NSD1: variants seen among roughly 807,000 people sequenced by gnomAD.
NSD1 encodes histone-lysine N-methyltransferase, H3 lysine-36 specific.
NSD1 carries 26 observed loss-of-function variants against 242.7 expected under a neutral mutation model. The observed-to-expected ratio is 0.11, with a 90% CI of 0.08 to 0.15. The LOEUF is 0.15. Ranked by LOEUF, NSD1 falls within the 10% of genes least tolerant of loss-of-function variation. The pLI is 1.00. For synonymous variants in NSD1, 1,106 were observed against 1,178.1 expected (o/e 0.94, Z 1.25); for missense variants, 2,495 against 3,272.8 (o/e 0.76, Z 5.80).
At chr5:177,168,817 A>G (rs1381334902) in intron 2 of NSD1, among the ~76,000 whole-genome samples, 2 of 152,158 alleles carry the variant, frequency 1.3e-5, no homozygotes, top group African/African-American at 4.8e-5. Context: ...TGAGTCTTGG[A>G]AAGCATTTTC....
chr5:177,264,974 A>G, intron 14 of NSD1: 1 of 912,364 alleles, frequency 1.1e-6, no homozygotes, highest in Admixed American at 1.7e-5. Flanking sequence ...GTTACCCAGC[A>G]TGCTGTTGGC....
chr5:177,215,157 A>G (rs932026546), intron 5 of NSD1, among the ~76,000 whole-genome samples: 4 of 151,124 alleles, frequency 2.6e-5, no homozygotes, highest in African/African-American at 9.7e-5. Context: ...GGATATGCAG[A>G]TATCTCTGAG....
Position 177,291,945 on chromosome 5 carries a change from G to A in NSD1, c.6259-9G>A. ...ACAGAATGCTGACTGTTCAATATCT[G>A]ACCTGTAGAATCAACCCATTGCCAC... On this transcript the variant is annotated splice_polypyrimidine_tract_variant and intron_variant, in intron 21 of 22. Transcript: ENST00000439151. The A allele has an allele frequency of 6.2e-7, 1 of 1,612,880 alleles. No individual in the cohort carries two copies. The highest frequency in any genetic ancestry group is 8.5e-7 in the Non-Finnish European group (1 of 1,179,348).
intron 20 of NSD1, 166 bp from the exon 21 acceptor site, chr5:177,288,653 C>A (rs1485729210): frequency 8.3e-6 from 5 of 599,364 alleles, no homozygotes; most frequent in Non-Finnish European, 1.2e-5. Flanking sequence ...AATTGTATTA[C>A]CTGATTATTA....
At chr5:177,158,998 T>TTATATATATATATATATGAATTATATA (rs1183569859) in intron 2 of NSD1, among the ~76,000 whole-genome samples, 1 of 122,612 alleles carries the variant, frequency 8.2e-6, no homozygotes, top group African/African-American at 3.8e-5. Flanking sequence ...ATGAATGATT[T>TTATATATATATATATATGAATTATATA]TATATATATA....
intron 11 of NSD1, among the ~76,000 whole-genome samples, chr5:177,250,390 C>T (rs1458392214): frequency 6.6e-6 from 1 of 152,080 alleles, no homozygotes; most frequent in African/African-American, 2.4e-5. Context: ...GTCCCTTGTG[C>T]TGTCACAATT....
intron 2 of NSD1, among the ~76,000 whole-genome samples, chr5:177,146,668 T>C (rs576836993): frequency 6.6e-6 from 1 of 152,288 alleles, no homozygotes; most frequent in African/African-American, 2.4e-5. Flanking sequence ...TTCTTTGTTT[T>C]TATCACCTGT....
intron 2 of NSD1, among the ~76,000 whole-genome samples, chr5:177,145,838 G>A (rs1386338590): frequency 6.6e-6 from 1 of 151,626 alleles, no homozygotes; most frequent in East Asian, 1.9e-4. Flanking sequence ...AACCCGGGAG[G>A]CGGAGGTTGT....
chr5:177,197,866 G>C (rs1479660503), intron 3 of NSD1, among the ~76,000 whole-genome samples: 1 of 151,946 alleles, frequency 6.6e-6, no homozygotes, highest in Non-Finnish European at 1.5e-5. Flanking sequence ...TACCTTTTTT[G>C]TTGTTGTTGG....
intron 2 of NSD1, among the ~76,000 whole-genome samples, chr5:177,171,879 T>C (rs1018452436): frequency 6.6e-6 from 1 of 152,256 alleles, no homozygotes; most frequent in African/African-American, 2.4e-5. Flanking sequence ...GATTTCACCT[T>C]TTCGACAATG....
chr5:177,245,993 G>A (rs1242675082), intron 9 of NSD1, among the ~76,000 whole-genome samples: 1 of 146,692 alleles, frequency 6.8e-6, no homozygotes, highest in African/African-American at 2.5e-5. Flanking sequence ...TTTTTGAGAT[G>A]GAGTTTCGCT....
intron 5 of NSD1, among the ~76,000 whole-genome samples, chr5:177,216,985 T>A (rs1763826087): frequency 6.6e-6 from 1 of 151,950 alleles, no homozygotes; most frequent in Admixed American, 6.6e-5. Flanking sequence ...GTTTTGTTTA[T>A]TTGGGGGTTC....
At position 177,263,345 on chromosome 5, in the gene NSD1, G is replaced by A. The variant is rs141591532; in HGVS notation, c.5146+3177G>A. 5.7e-3 allele frequency among the ~76,000 whole-genome samples: 873 copies of A among 152,298 alleles called. 11 individuals carry two copies. The highest frequency in any genetic ancestry group is 0.02 in the African/African-American group (829 of 41,550). ...ATTGTTTCTGTAGCCAAAGACTGGA[G>A]TTTAGTTAATTCTGGAAGCTTTTTT... On this transcript the variant is annotated intron_variant, in intron 14 of 22. Transcript: ENST00000439151.
intron 2 of NSD1, among the ~76,000 whole-genome samples, chr5:177,187,140 C>T (rs1189097058): frequency 7.1e-6 from 1 of 139,864 alleles, no homozygotes; most frequent in East Asian, 2.1e-4. Context: ...AATCTCACTC[C>T]GTTGCCCAGG....
intron 5 of NSD1, among the ~76,000 whole-genome samples, chr5:177,231,373 CTT>C (rs1335972611): frequency 5.3e-5 from 8 of 152,178 alleles, no homozygotes; most frequent in African/African-American, 1.9e-4. Flanking sequence ...GCGTGGGCCA[CTT>C]TGCCTAGCTG....
intron 3 of NSD1, among the ~76,000 whole-genome samples, chr5:177,192,250 G>T (rs1456737992): frequency 1.3e-5 from 2 of 150,228 alleles, no homozygotes. Flanking sequence ...CGCTCTTGTT[G>T]CCCAGGCTGG....
rs189716582 is a variant in NSD1 at position 177,211,221 on chromosome 5, G to C, written c.2822G>C (p.Arg941Pro). The C allele has an allele frequency of 2.0e-5, 33 of 1,613,984 alleles. No homozygotes were observed. Among genetic ancestry groups the C allele is most frequent in the Non-Finnish European group, 2.8e-5 (33 of 1,179,934 alleles). Reference protein sequence around the residue: ...QNLVSYRSPGRGDCSTNSPVG... With the variant: ...QNLVSYRSPGPGDCSTNSPVG... ...CTGGTCTCTTACCGGAGTCCTGGTCGTGGGGACTGTTCTACTAATAGTCCT... is the reference window on the plus strand; with the variant it reads ...CTGGTCTCTTACCGGAGTCCTGGTCCTGGGGACTGTTCTACTAATAGTCCT... The change falls in exon 5 of 23, where the codon CGT (arginine) becomes CCT (proline). Residue 941 changes from arginine to proline, a missense_variant. Physicochemically the swap from Arg to Pro is moderately radical, Grantham distance 103. This residue lies in a region of NSD1 where 121 missense variants were observed against 167.2 expected (regional missense o/e 0.72). Coordinates refer to ENST00000439151, the MANE Select transcript of NSD1 (RefSeq NM_022455.5).
intron 2 of NSD1, among the ~76,000 whole-genome samples, chr5:177,176,654 C>T (rs1417151634): frequency 1.3e-5 from 2 of 152,078 alleles, no homozygotes; most frequent in African/African-American, 2.4e-5. Context: ...CTGCATTTAC[C>T]AGAAATCTGT....
At chr5:177,139,460 A>AAT (rs1404328158) in intron 2 of NSD1, among the ~76,000 whole-genome samples, 1 of 151,914 alleles carries the variant, frequency 6.6e-6, no homozygotes, top group Non-Finnish European at 1.5e-5. Context: ...AAAAAAAAAA[A>AAT]AGCGGTCAAT....
Sources: gnomAD v4.1 joint callset for allele counts (sites outside exome capture counted in the v4.1 genomes callset) on GRCh38, gnomAD v4.1.1 for gene constraint, gnomAD v4.1.1 regional missense constraint, MANE v1.5 for transcripts, NCBI Gene and HGNC (gene_info 2026-07-23, HGNC 2026-07-21) for gene names.